The following ST8SIA5 variants were observed in gnomAD, a reference collection of about 807,000 sequenced individuals.
ST8SIA5 encodes the protein alpha-2,8-sialyltransferase 8E.
Under a neutral mutation model 40.2 loss-of-function variants are expected in ST8SIA5, and 24 were observed. The ratio of observed to expected loss-of-function variants is 0.60; its 90% CI spans 0.43 to 0.84. The LOEUF is 0.84. ST8SIA5 is among the 40% of genes least tolerant of loss of function. The pLI is 0.00. For missense variants in ST8SIA5, 465 were observed against 498.5 expected (o/e 0.93, Z 0.64); for synonymous variants, 198 against 201.8 (o/e 0.98, Z 0.16).
chr18:46,725,988 TATATATATATATATATATATATCCTGG>T (rs1212759771), intron 1 of ST8SIA5, among the ~76,000 whole-genome samples: 34 of 58,534 alleles, frequency 5.8e-4, no homozygotes, highest in African/African-American at 1.4e-3. Context: ...TATATATATA[TATATATATATATATATATATATCCTGG>T]ATATATATAT....
rs796182410 is a variant in ST8SIA5 at position 46,719,763 on chromosome 18, TTCTC to T, written c.132-15103_132-15100del. Reference sequence around the variant, plus strand: ...TCCTTCCTTTCTTTCTTTTCTTTCTTTCTCTCTTCTTTCCTTTTCTTTTTCTTTC... The same window carrying T: ...TCCTTCCTTTCTTTCTTTTCTTTCTTTCTTCTTTCCTTTTCTTTTTCTTTC... On this transcript the variant is annotated intron_variant, in intron 1 of 6. Transcript: ENST00000315087. 2.3e-4 allele frequency among the ~76,000 whole-genome samples: 30 copies of T among 132,784 alleles called. No homozygotes were observed. In the East Asian group the frequency reaches 4.3e-3, roughly 19 times the overall value. 87.1% of individuals were successfully genotyped at this position (132,784 alleles called of 152,430 possible).
chr18:46,746,489 A>G (rs1256182353), intron 1 of ST8SIA5, among the ~76,000 whole-genome samples: 1 of 152,186 alleles, frequency 6.6e-6, no homozygotes, highest in Non-Finnish European at 1.5e-5. Flanking sequence ...AGAATAAAAT[A>G]CCTAGGAATC....
chr18:46,689,926 A>G (rs2039488495), intron 3 of ST8SIA5, among the ~76,000 whole-genome samples: 1 of 151,632 alleles, frequency 6.6e-6, no homozygotes, highest in Admixed American at 6.6e-5. Flanking sequence ...TCTTGCAGGT[A>G]CTTCACTGGG....
chr18:46,708,109 C>T (rs2039687409), intron 1 of ST8SIA5, among the ~76,000 whole-genome samples: 1 of 152,174 alleles, frequency 6.6e-6, no homozygotes, highest in African/African-American at 2.4e-5. Flanking sequence ...CACACAGGAA[C>T]TACCCCAAAA....
At position 46,679,927 on chromosome 18, in the gene ST8SIA5, GGA is replaced by G; in HGVS notation, c.*113_*114del. On this transcript the variant is annotated 3_prime_UTR_variant, in exon 7 of 7. Transcript: ENST00000315087. ...CCAAGTACAGAGCTGAACAATGGAG[GGA>G]GAGACAGCCTGAACGCCAGGACCCC... The G allele has an allele frequency of 1.0e-6, 1 of 988,416 alleles. No individual in the cohort carries two copies. Among genetic ancestry groups the G allele is most frequent in the Non-Finnish European group, 1.5e-6 (1 of 685,310 alleles). 61.2% of individuals were successfully genotyped at this position (988,416 alleles called of 1,614,324 possible). A position where few individuals can be genotyped will look rare whatever the true frequency, so the allele number is the denominator to read the frequency against.
chr18:46,679,930 G>T lies in ST8SIA5; in HGVS notation c.*112C>A. On this transcript the variant is annotated 3_prime_UTR_variant, in exon 7 of 7. Coordinates refer to ENST00000315087, the MANE Select transcript of ST8SIA5 (RefSeq NM_013305.6). ...AGTACAGAGCTGAACAATGGAGGGA[G>T]AGACAGCCTGAACGCCAGGACCCCA... 9.9e-7 allele frequency: 1 copy of T among 1,009,836 alleles called. No individual in the cohort carries two copies. Among genetic ancestry groups the T allele is most frequent in the Non-Finnish European group, 1.4e-6 (1 of 704,236 alleles). The allele number at this position is 1,009,836 out of a possible 1,614,324, so 62.6% of individuals were successfully genotyped here.
At position 46,680,197 on chromosome 18, in the gene ST8SIA5, T is replaced by C. The variant is rs1218991463; in HGVS notation, c.976A>G (p.Met326Val). ...GTGATGTAGAGGCCCGAGGGGTTCATGGGGAAGGCCCAGAAGCCAAAGAGG... is the reference window on the plus strand; with the variant it reads ...GTGATGTAGAGGCCCGAGGGGTTCACGGGGAAGGCCCAGAAGCCAAAGAGG... ...VHLFGFWAFP[M>V]NPSGLYITHH... Residue 326 changes from methionine to valine, a missense_variant, in exon 7 of 7, where the codon ATG (methionine) becomes GTG (valine). Met to Val is a conservative substitution (Grantham distance 21). Coordinates refer to ENST00000315087, the MANE Select transcript of ST8SIA5 (RefSeq NM_013305.6). The C allele has an allele frequency of 1.2e-6, 2 of 1,614,186 alleles. No homozygotes were observed. Among genetic ancestry groups the C allele is most frequent in the Non-Finnish European group, 1.7e-6 (2 of 1,180,028 alleles).
At chr18:46,711,976 T>A (rs2039737228) in intron 1 of ST8SIA5, among the ~76,000 whole-genome samples, 1 of 152,190 alleles carries the variant, frequency 6.6e-6, no homozygotes, top group African/African-American at 2.4e-5. Flanking sequence ...GGGATTAATC[T>A]GCCCCAGGTG....
rs566960912 is a variant in ST8SIA5 at position 46,689,906 on chromosome 18, T to A, written c.312-987A>T. On this transcript the variant is annotated intron_variant, in intron 3 of 6. Transcript: ENST00000315087. Reference sequence around the variant, plus strand: ...GCCTGGCCTATAATGTTTTTTTTTTTAATTTCATCTCTTGCAGGTACTTCA... The same window carrying A: ...GCCTGGCCTATAATGTTTTTTTTTTAAATTTCATCTCTTGCAGGTACTTCA... Among the ~76,000 whole-genome samples, 37 of 152,020 alleles carry A rather than the reference T, an allele frequency of 2.4e-4. 1 individual carries two copies. The South Asian group carries it at 7.3e-3, about 30-fold the overall frequency.
At chr18:46,687,833 A>G (rs2039462825) in intron 4 of ST8SIA5, among the ~76,000 whole-genome samples, 1 of 152,184 alleles carries the variant, frequency 6.6e-6, no homozygotes, top group South Asian at 2.1e-4. Context: ...ACATTCACTG[A>G]ATGCTGTCCT....
In ST8SIA5 at chr18:46,677,671, T is replaced by A. The variant is rs533627095; in HGVS notation, c.*2371A>T. The A allele has an allele frequency of 6.6e-6, 1 of 152,212 alleles. No homozygotes were observed. The highest frequency in any genetic ancestry group is 1.9e-4 in the East Asian group (1 of 5,172). 9.4% of individuals were successfully genotyped at this position (152,212 alleles called of 1,614,324 possible). ...CAGGAATATGGCCAGCAGCCAGGTG[T>A]CCCAACTCCTCTGTGGGCTGGATCC... On this transcript the variant is annotated 3_prime_UTR_variant, in exon 7 of 7. Transcript: ENST00000315087.
intron 1 of ST8SIA5, among the ~76,000 whole-genome samples, chr18:46,751,539 G>C (rs59166390): frequency 0.2 from 30,903 of 151,786 alleles, 3,373 homozygotes; most frequent in South Asian, 0.31. Context: ...TGGGATTACA[G>C]GTGTGTGCCA....
At chr18:46,691,973 A>C (rs2039509852) in intron 3 of ST8SIA5, 196 bp downstream of exon 3, 2 of 605,742 alleles carry the variant, frequency 3.3e-6, no homozygotes, top group Non-Finnish European at 6.0e-6. Context: ...GGAGGATAGC[A>C]CCTGGGCAAG....
intron 2 of ST8SIA5, 106 bp from the exon 3 acceptor site, chr18:46,692,361 T>C: frequency 5.1e-6 from 5 of 971,546 alleles, no homozygotes; most frequent in South Asian, 1.3e-5. Context: ...AGTCCAGTCC[T>C]GGGGCTGGCC....
At chr18:46,714,195 A>G (rs1568265062) in intron 1 of ST8SIA5, among the ~76,000 whole-genome samples, 4 of 152,260 alleles carry the variant, frequency 2.6e-5, no homozygotes, top group African/African-American at 9.6e-5. Flanking sequence ...GTGGCCATCA[A>G]GTTGGGGGAT....
At chr18:46,733,531 T>C (rs960994156) in intron 1 of ST8SIA5, among the ~76,000 whole-genome samples, 4 of 151,656 alleles carry the variant, frequency 2.6e-5, no homozygotes, top group Admixed American at 2.0e-4. Context: ...GAGACAGATA[T>C]GACGACAATA....
intron 1 of ST8SIA5, chr18:46,721,382 G>T (rs775941413): frequency 3.4e-5 from 52 of 1,536,100 alleles, no homozygotes; most frequent in Non-Finnish European, 4.2e-5. Flanking sequence ...AGTCACTGCC[G>T]CTCTGCACTG....
Position 46,720,484 on chromosome 18 carries a change from A to C in ST8SIA5, c.132-15820T>G, listed in dbSNP as rs180881906. On this transcript the variant is annotated intron_variant, in intron 1 of 6. Coordinates refer to ENST00000315087, the MANE Select transcript of ST8SIA5 (RefSeq NM_013305.6). Reference sequence around the variant, plus strand: ...GACATCAGAATCTCATCTTTCTCAAAGCATTGAATAAAAACATACATATCA... The same window carrying C: ...GACATCAGAATCTCATCTTTCTCAACGCATTGAATAAAAACATACATATCA... 3.3e-4 allele frequency among the ~76,000 whole-genome samples: 51 copies of C among 152,256 alleles called. 1 individual carries two copies. The highest frequency in any genetic ancestry group is 3.8e-4 in the Non-Finnish European group (26 of 68,016).
chr18:46,730,109 AC>A, intron 1 of ST8SIA5: 1 of 960,016 alleles, frequency 1.0e-6, no homozygotes, highest in Non-Finnish European at 1.2e-6. Context: ...TCAGTCACAA[AC>A]CTGCAGCTGC....
Sources: gnomAD v4.1 joint callset for allele counts (sites outside exome capture counted in the v4.1 genomes callset) on GRCh38, gnomAD v4.1.1 for gene constraint, MANE v1.5 for transcripts, NCBI Gene and HGNC (gene_info 2026-07-23, HGNC 2026-07-21) for gene names.